Variants in RBFOX1 observed in about 807,000 individuals in gnomAD.
The protein encoded by RBFOX1 is RNA binding protein fox-1 homolog 1.
Under a neutral mutation model 57.7 loss-of-function variants are expected in RBFOX1, and 8 were observed. The ratio of observed to expected loss-of-function variants is 0.14; its 90% CI spans 0.08 to 0.25. The LOEUF is 0.25. Among genes scored for constraint, RBFOX1 ranks in the 10% least tolerant of loss-of-function variants. The pLI is 1.00. For missense variants in RBFOX1, 611 were observed against 548.5 expected (o/e 1.11, Z -1.14); for synonymous variants, 326 against 222.4 (o/e 1.47, Z -4.15).
chr16:7,005,587 G>A (rs529267792), intron 3 of RBFOX1, among the ~76,000 whole-genome samples: 2 of 152,304 alleles, frequency 1.3e-5, no homozygotes, highest in East Asian at 3.9e-4. Context: ...TCCTATTAGT[G>A]ATGGCTTGGT....
chr16:6,421,470 C>T lies in RBFOX1; in HGVS notation c.-64+104413C>T, dbSNP rs539941346. 8.2e-4 allele frequency among the ~76,000 whole-genome samples: 125 copies of T among 152,214 alleles called. 2 individuals are homozygous for T. Among genetic ancestry groups the T allele is most frequent in the African/African-American group, 2.9e-3 (122 of 41,512 alleles). On this transcript the variant is annotated intron_variant, in intron 2 of 15. Transcript: ENST00000550418. ...TATGAATTCTGAATCAGAATTTTGT[C>T]GTCAGGGGAATGCTTCTTAGAAGGA...
chr16:7,189,503 C>G (rs142559934), intron 4 of RBFOX1, among the ~76,000 whole-genome samples: 3 of 147,184 alleles, frequency 2.0e-5, no homozygotes, highest in Admixed American at 6.8e-5. Flanking sequence ...TTCAGGTATT[C>G]TCTCCAGTTT....
intron 5 of RBFOX1, among the ~76,000 whole-genome samples, chr16:7,519,417 C>T (rs971291590): frequency 2.6e-5 from 4 of 152,170 alleles, no homozygotes; most frequent in East Asian, 3.9e-4. Flanking sequence ...TGACTTTATA[C>T]GCCATAAAGA....
intron 1 of RBFOX1, among the ~76,000 whole-genome samples, chr16:5,343,376 G>A (rs957161185): frequency 2.0e-5 from 3 of 146,602 alleles, no homozygotes; most frequent in African/African-American, 5.1e-5. Flanking sequence ...GTACAGTGGC[G>A]TGATCTCAGC....
intron 2 of RBFOX1, among the ~76,000 whole-genome samples, chr16:6,558,388 G>C (rs1599789792): frequency 6.6e-6 from 1 of 152,182 alleles, no homozygotes; most frequent in East Asian, 1.9e-4. Flanking sequence ...CTTTTAGAAA[G>C]AGGAGAAGAG....
At chr16:7,212,043 G>A (rs1274032183) in intron 4 of RBFOX1, among the ~76,000 whole-genome samples, 1 of 152,014 alleles carries the variant, frequency 6.6e-6, no homozygotes, top group Non-Finnish European at 1.5e-5. Flanking sequence ...GGAAAAGTGG[G>A]GCCAAGAAGG....
intron 11 of RBFOX1, among the ~76,000 whole-genome samples, chr16:7,648,105 G>A (rs1014696175): frequency 1.3e-5 from 2 of 152,248 alleles, no homozygotes; most frequent in Non-Finnish European, 2.9e-5. Flanking sequence ...AGGAAGTGTG[G>A]CAAACAGTTG....
intron 4 of RBFOX1, among the ~76,000 whole-genome samples, chr16:6,002,562 ATCCATAATTGAGAGAAGAGAAC>A (rs1486209355): frequency 6.6e-6 from 1 of 152,216 alleles, no homozygotes; most frequent in Non-Finnish European, 1.5e-5. Context: ...AGAGAAGTGA[ATCCATAATTGAGAGAAGAGAAC>A]TCCATAATTG....
At chr16:7,307,753 T>A (rs1296731133) in intron 4 of RBFOX1, among the ~76,000 whole-genome samples, 1 of 152,160 alleles carries the variant, frequency 6.6e-6, no homozygotes, top group Non-Finnish European at 1.5e-5. Flanking sequence ...CAGACACATA[T>A]ACACACACAC....
intron 2 of RBFOX1, among the ~76,000 whole-genome samples, chr16:6,579,873 A>G (rs867092381): frequency 1.3e-5 from 2 of 152,126 alleles, no homozygotes. Flanking sequence ...GGTGTGAGCC[A>G]CTGCCGCCAG....
rs150142463 is a variant in RBFOX1 at position 6,655,542 on chromosome 16, C to T, written c.-16+892C>T. Reference sequence around the variant, plus strand: ...CCTCACCCATTTATCTTCTTTGCTACACTTAATGTGAATCCCCTCAGGAAA... The same window carrying T: ...CCTCACCCATTTATCTTCTTTGCTATACTTAATGTGAATCCCCTCAGGAAA... On this transcript the variant is annotated intron_variant, in intron 3 of 15. Coordinates refer to ENST00000550418, the MANE Select transcript of RBFOX1 (RefSeq NM_018723.4). Among the ~76,000 whole-genome samples, 6 of 152,228 alleles carry T rather than the reference C, an allele frequency of 3.9e-5. No homozygotes were observed. The East Asian group carries it at 1.2e-3, about 29-fold the overall frequency.
At chr16:5,297,917 T>G (rs1327612531) in intron 1 of RBFOX1, among the ~76,000 whole-genome samples, 1 of 152,254 alleles carries the variant, frequency 6.6e-6, no homozygotes, top group Non-Finnish European at 1.5e-5. Context: ...ATTAATGTCT[T>G]TAACATTTTG....
chr16:5,269,929 A>G (rs1021778829), intron 1 of RBFOX1, among the ~76,000 whole-genome samples: 4 of 152,124 alleles, frequency 2.6e-5, no homozygotes, highest in African/African-American at 7.2e-5. Flanking sequence ...CTGCGGTGGG[A>G]GGATTGCTTG....
intron 4 of RBFOX1, among the ~76,000 whole-genome samples, chr16:7,327,977 A>G (rs73561890): frequency 6.6e-6 from 1 of 152,068 alleles, no homozygotes; most frequent in Non-Finnish European, 1.5e-5. Context: ...CATCTTCCAG[A>G]CACAGCCAAC....
At position 5,347,304 on chromosome 16, in the gene RBFOX1, G is replaced by A. The variant is rs1048390392; in HGVS notation, c.219+107199G>A. Among the ~76,000 whole-genome samples the A allele has an allele frequency of 4.6e-5, 7 of 152,274 alleles. No individual in the cohort carries two copies. In the Middle Eastern group the frequency reaches 0.017, roughly 370 times the overall value. On this transcript the variant is annotated intron_variant, in intron 1 of 2. Coordinates refer to the RBFOX1 transcript ENST00000585867. Reference sequence around the variant, plus strand: ...GTGCTGTATATGTGCATGTAGAAGTGTGTCTTACATACAGTCGTTGCTCAA... The same window carrying A: ...GTGCTGTATATGTGCATGTAGAAGTATGTCTTACATACAGTCGTTGCTCAA...
intron 1 of RBFOX1, among the ~76,000 whole-genome samples, chr16:6,236,938 C>T (rs2152918779): frequency 6.6e-6 from 1 of 152,286 alleles, no homozygotes; most frequent in African/African-American, 2.4e-5. Context: ...ATGGAGATTA[C>T]AACTCAAGTC....
intron 4 of RBFOX1, among the ~76,000 whole-genome samples, chr16:7,213,862 A>G (rs534907377): frequency 1.3e-5 from 2 of 152,300 alleles, no homozygotes; most frequent in African/African-American, 4.8e-5. Flanking sequence ...GCCCAGCAAT[A>G]GGGGGAACGA....
At chr16:6,239,775 G>C (rs1004009830) in intron 1 of RBFOX1, among the ~76,000 whole-genome samples, 1 of 152,092 alleles carries the variant, frequency 6.6e-6, no homozygotes, top group Non-Finnish European at 1.5e-5. Flanking sequence ...GGGATTACAG[G>C]GGTGAGCCAC....
chr16:6,781,392 T>A (rs912813243), intron 3 of RBFOX1, among the ~76,000 whole-genome samples: 7 of 152,158 alleles, frequency 4.6e-5, no homozygotes, highest in African/African-American at 1.7e-4. Flanking sequence ...GTTTTCTTTT[T>A]TCGTTGTGTA....
Sources: gnomAD v4.1 joint callset for allele counts (sites outside exome capture counted in the v4.1 genomes callset) on GRCh38, gnomAD v4.1.1 for gene constraint, MANE v1.5 for transcripts, NCBI Gene and HGNC (gene_info 2026-07-23, HGNC 2026-07-21) for gene names.